ETNK1: variants seen among roughly 807,000 people sequenced by gnomAD.
ETNK1 encodes the protein ethanolamine kinase 1, also known as putative protein product of Nbla10396.
ETNK1 carries 8 observed loss-of-function variants against 45.1 expected under a neutral mutation model. That is an observed-to-expected ratio of 0.18 (90% CI 0.10 to 0.32). The LOEUF is 0.32. Among genes scored for constraint, ETNK1 ranks in the 10% least tolerant of loss-of-function variants. The pLI is 1.00. For synonymous variants in ETNK1, 152 were observed against 151.9 expected (o/e 1.00, Z -0.01); for missense variants, 302 against 430.6 (o/e 0.70, Z 2.64).
At chr12:22,656,574 G>A (rs1953943568) in intron 2 of ETNK1, 1 of 985,292 alleles carries the variant, frequency 1.0e-6, no homozygotes, top group Non-Finnish European at 1.2e-6. Flanking sequence ...CCAGTGACAT[G>A]GGCCTTCTGC....
At chr12:22,660,804 C>G (rs1160145209) in intron 3 of ETNK1, among the ~76,000 whole-genome samples, 2 of 151,972 alleles carry the variant, frequency 1.3e-5, no homozygotes, top group African/African-American at 4.8e-5. Context: ...ATATATATTA[C>G]TTAGAAACCC....
At chr12:22,672,121 A>G (rs1954115254) in intron 5 of ETNK1, among the ~76,000 whole-genome samples, 1 of 152,062 alleles carries the variant, frequency 6.6e-6, no homozygotes, top group African/African-American at 2.4e-5. Context: ...TAGTTCACTA[A>G]AAAGTTCAAT....
In ETNK1 at chr12:22,663,816, G is replaced by C. The variant is rs537264456; in HGVS notation, c.700+2611G>C. On this transcript the variant is annotated intron_variant, in intron 4 of 7. Transcript: ENST00000266517. ...TCATTTGTTTTTTCTTTGTCTTTGT[G>C]GTTATGTATGTGTCTTAGTTACAGA... is the stretch of plus-strand genomic sequence containing the variant. Among the ~76,000 whole-genome samples, 155 of 150,714 alleles carry C rather than the reference G, an allele frequency of 1.0e-3. 1 individual carries two copies. Among genetic ancestry groups the C allele is most frequent in the Non-Finnish European group, 1.9e-3 (126 of 67,600 alleles).
At chr12:22,639,608 C>T (rs543220454) in intron 1 of ETNK1, among the ~76,000 whole-genome samples, 4 of 151,446 alleles carry the variant, frequency 2.6e-5, no homozygotes, top group Admixed American at 6.6e-5. Flanking sequence ...ACCTGGGGGG[C>T]GGAGGTTGCA....
At chr12:22,667,026 T>TA (rs1335278196) in intron 4 of ETNK1, among the ~76,000 whole-genome samples, 4 of 152,234 alleles carry the variant, frequency 2.6e-5, no homozygotes, top group African/African-American at 9.6e-5. Context: ...GTGGTGTTTT[T>TA]AAATGTAGTT....
rs1311414447 is a variant in ETNK1, at chr12:22,690,111, G to T, written c.*5157G>T. 6.6e-6 allele frequency: 1 copy of T among 152,438 alleles called. No individual in the cohort carries two copies. The highest frequency in any genetic ancestry group is 1.5e-5 in the Non-Finnish European group (1 of 67,888). The allele number at this position is 152,438 out of a possible 1,614,324, so 9.4% of individuals were successfully genotyped here. ...GCTTTATGTTGAATTGGGAAATTGTGGCATAAAGCTTAAATTCGTGTTTAT... is the reference window on the plus strand; with the variant it reads ...GCTTTATGTTGAATTGGGAAATTGTTGCATAAAGCTTAAATTCGTGTTTAT... On this transcript the variant is annotated 3_prime_UTR_variant, in exon 8 of 8. Coordinates refer to ENST00000266517, the MANE Select transcript of ETNK1 (RefSeq NM_018638.5).
At chr12:22,679,217 T>C (rs1485199791) in intron 6 of ETNK1, among the ~76,000 whole-genome samples, 1 of 152,248 alleles carries the variant, frequency 6.6e-6, no homozygotes, top group Non-Finnish European at 1.5e-5. Context: ...CCGACAGTGC[T>C]GCCTTCAGTC....
Position 22,652,843 on chromosome 12 carries a change from C to T in ETNK1, c.417-6171C>T, listed in dbSNP as rs542483540. On this transcript the variant is annotated intron_variant, in intron 2 of 7. Coordinates refer to ENST00000266517, the MANE Select transcript of ETNK1 (RefSeq NM_018638.5). ...TGGTGCGTAGTTTTTAATTTTGATG[C>T]GGTAGAGTTTATTTTTACTTTTGTT... is the stretch of plus-strand genomic sequence containing the variant. Among the ~76,000 whole-genome samples the T allele has an allele frequency of 3.9e-4, 59 of 152,066 alleles. 4 individuals carry two copies. The South Asian group carries it at 1.0e-2, about 26-fold the overall frequency.
chr12:22,646,186 T>C (rs1397922414), intron 2 of ETNK1, among the ~76,000 whole-genome samples: 2 of 151,888 alleles, frequency 1.3e-5, no homozygotes, highest in Non-Finnish European at 2.9e-5. Context: ...CTAATTCCTA[T>C]GGCATTTCTT....
At chr12:22,649,295 C>A (rs1953844946) in intron 2 of ETNK1, among the ~76,000 whole-genome samples, 1 of 151,978 alleles carries the variant, frequency 6.6e-6, no homozygotes, top group Admixed American at 6.6e-5. Flanking sequence ...TTGCCAAATC[C>A]AGGGTCATCT....
chr12:22,683,092 C>T (rs1011530477), intron 6 of ETNK1, among the ~76,000 whole-genome samples: 3 of 152,116 alleles, frequency 2.0e-5, no homozygotes, highest in African/African-American at 7.2e-5. Flanking sequence ...CTACATTTTA[C>T]AGATGAGGAA....
Position 22,643,913 on chromosome 12 carries a change from C to T in ETNK1, c.307C>T (p.His103Tyr), listed in dbSNP as rs769743781. ...AAAGAGTTTTCGAGTGTTGCAGGCT[C>T]ATGGGTGTGCACCACAACTCTACTG... Reference protein sequence around the residue: ...EVKSFRVLQAHGCAPQLYCTF... With the variant: ...EVKSFRVLQAYGCAPQLYCTF... The change falls in exon 2 of 8, where the codon CAT becomes TAT. Residue 103 changes from histidine (H) to tyrosine (Y), a missense_variant. By Grantham distance (83) the His-to-Tyr change is moderately conservative (BLOSUM62 2). This residue lies in a region of ETNK1 where 205 missense variants were observed against 259.9 expected (regional missense o/e 0.79). Coordinates refer to ENST00000266517, the MANE Select transcript of ETNK1 (RefSeq NM_018638.5). 2 of 1,613,332 alleles carry T rather than the reference C, an allele frequency of 1.2e-6. No homozygotes were observed. The highest frequency in any genetic ancestry group is 4.5e-5 in the East Asian group (2 of 44,872).
rs1455453638 is a variant in ETNK1 at position 22,687,818 on chromosome 12, AT to A, written c.*2869del. On this transcript the variant is annotated 3_prime_UTR_variant, in exon 8 of 8. Coordinates refer to ENST00000266517, the MANE Select transcript of ETNK1 (RefSeq NM_018638.5). ...TTGCATTCTCTTCCCTTTTGTAGAA[AT>A]TTTTCTGTAAGGAAATGATTCAGCT... is the stretch of plus-strand genomic sequence containing the variant. The A allele has an allele frequency of 1.3e-5, 2 of 152,268 alleles. No individual in the cohort carries two copies. The highest frequency in any genetic ancestry group is 3.0e-5 in the Non-Finnish European group (2 of 67,792). The allele number at this position is 152,268 out of a possible 1,614,324, so 9.4% of individuals were successfully genotyped here.
intron 1 of ETNK1, among the ~76,000 whole-genome samples, chr12:22,628,377 A>G (rs1302597602): frequency 6.6e-6 from 1 of 152,106 alleles, no homozygotes; most frequent in Non-Finnish European, 1.5e-5. Context: ...TTGGCTCATA[A>G]AAAGATTCTG....
chr12:22,627,443 C>A (rs568427577), intron 1 of ETNK1, among the ~76,000 whole-genome samples: 5 of 152,082 alleles, frequency 3.3e-5, no homozygotes, highest in Non-Finnish European at 7.4e-5. Context: ...TACATTCCCT[C>A]CATGTGCAAG....
chr12:22,631,107 A>G (rs1231910800), intron 1 of ETNK1, among the ~76,000 whole-genome samples: 5 of 152,198 alleles, frequency 3.3e-5, no homozygotes, highest in African/African-American at 4.8e-5. Flanking sequence ...ACAGTTTAAA[A>G]AGATGAGTTA....
intron 2 of ETNK1, among the ~76,000 whole-genome samples, chr12:22,655,512 CT>C (rs759660511): frequency 2.0e-5 from 3 of 148,140 alleles, no homozygotes; most frequent in Admixed American, 6.7e-5. Context: ...ACTTTTTGTA[CT>C]TTTAGTAGAG....
intron 4 of ETNK1, among the ~76,000 whole-genome samples, chr12:22,666,858 T>C (rs964034767): frequency 1.3e-5 from 2 of 152,194 alleles, no homozygotes; most frequent in Non-Finnish European, 1.5e-5. Flanking sequence ...CTTGTTTGGC[T>C]CTAAATCTTA....
At chr12:22,682,384 C>A in intron 6 of ETNK1, 1 of 364,416 alleles carries the variant, frequency 2.7e-6, no homozygotes, top group South Asian at 2.1e-5. Flanking sequence ...GCCAAATACT[C>A]AAGTCTGATA....
Sources: allele counts gnomAD v4.1 joint callset (sites outside exome capture counted in the v4.1 genomes callset), GRCh38; gene constraint gnomAD v4.1.1; regional missense constraint gnomAD v4.1.1; transcripts MANE v1.5; gene names NCBI Gene and HGNC (gene_info 2026-07-23, HGNC 2026-07-21).